NRG1: variants seen among roughly 807,000 people sequenced by gnomAD.
NRG1 encodes the protein neuregulin 1.
NRG1 carries 18 observed loss-of-function variants against 63.8 expected under a neutral mutation model. The ratio of observed to expected loss-of-function variants is 0.28; its 90% CI spans 0.19 to 0.42. The LOEUF is 0.42. NRG1 is among the 10% of genes least tolerant of loss of function. NRG1 has a pLI of 1.00. For missense variants in NRG1, 762 were observed against 814.7 expected, an observed-to-expected ratio of 0.94 and a Z score of 0.79; for synonymous variants, 302 against 301.3, an observed-to-expected ratio of 1.00 and a Z score of -0.02.
intron 5 of NRG1, among the ~76,000 whole-genome samples, chr8:32,679,668 A>G (rs954376941): frequency 1.3e-5 from 2 of 152,222 alleles, no homozygotes; most frequent in Admixed American, 6.5e-5. Context: ...TACTTTTTAA[A>G]GAAGTCAACT....
intron 1 of NRG1, among the ~76,000 whole-genome samples, chr8:32,199,701 G>T (rs557204081): frequency 6.6e-6 from 1 of 152,056 alleles, no homozygotes; most frequent in East Asian, 1.9e-4. Context: ...TTTGTATTTT[G>T]TTTCCTCTCT....
chr8:32,600,592 A>T (rs1025983791), intron 2 of NRG1, among the ~76,000 whole-genome samples: 3 of 152,190 alleles, frequency 2.0e-5, no homozygotes, highest in African/African-American at 7.2e-5. Flanking sequence ...ATTAATATTC[A>T]GAACTTTTTA....
chr8:32,595,601 A>G (rs1843212908), intron 1 of NRG1, among the ~76,000 whole-genome samples: 2 of 152,192 alleles, frequency 1.3e-5, no homozygotes, highest in African/African-American at 4.8e-5. Flanking sequence ...TTTTTAAGGA[A>G]TAATTTTCTA....
intron 1 of NRG1, among the ~76,000 whole-genome samples, chr8:32,506,716 T>C (rs916007129): frequency 6.6e-6 from 1 of 151,488 alleles, no homozygotes; most frequent in African/African-American, 2.4e-5. Flanking sequence ...TTGGGGGGTA[T>C]GTGGGGGGAT....
At chr8:32,474,952 G>A (rs1416025007) in intron 1 of NRG1, among the ~76,000 whole-genome samples, 1 of 152,164 alleles carries the variant, frequency 6.6e-6, no homozygotes, top group Non-Finnish European at 1.5e-5. Flanking sequence ...TCATAGGATT[G>A]CTCTCTAGGA....
At chr8:32,441,800 C>T (rs4584111) in intron 1 of NRG1, among the ~76,000 whole-genome samples, 98,538 of 151,720 alleles carry the variant, frequency 0.65, 32,535 homozygotes, top group East Asian at 0.9. Flanking sequence ...GTGCCAAGGC[C>T]GAACATCAGG....
intron 1 of NRG1, among the ~76,000 whole-genome samples, chr8:32,048,486 G>A (rs1821450643): frequency 7.3e-6 from 1 of 136,302 alleles, no homozygotes; most frequent in Non-Finnish European, 1.5e-5. Context: ...TATATATATA[G>A]TGGTGGGATT....
chr8:31,768,711 A>G (rs1380053468), intron 1 of NRG1, among the ~76,000 whole-genome samples: 1 of 152,202 alleles, frequency 6.6e-6, no homozygotes, highest in African/African-American at 2.4e-5. Flanking sequence ...GGGAACCCTA[A>G]GTACAGTTTC....
intron 1 of NRG1, among the ~76,000 whole-genome samples, chr8:31,856,042 A>G (rs1827831319): frequency 6.6e-6 from 1 of 151,054 alleles, no homozygotes; most frequent in African/African-American, 2.4e-5. Context: ...GGCTGCCCTT[A>G]ACATTTTTTC....
intron 5 of NRG1, among the ~76,000 whole-genome samples, chr8:32,665,730 G>A (rs569959558): frequency 2.0e-5 from 3 of 152,228 alleles, no homozygotes; most frequent in East Asian, 3.9e-4. Flanking sequence ...GATATTAGAC[G>A]TGTATCAAGC....
chr8:32,226,387 T>C (rs182486976), intron 1 of NRG1, among the ~76,000 whole-genome samples: 1 of 152,292 alleles, frequency 6.6e-6, no homozygotes, highest in African/African-American at 2.4e-5. Context: ...TACGTATGTG[T>C]GTTCTGGTTG....
chr8:32,718,333 TATATAA>T (rs1451302418), intron 5 of NRG1, among the ~76,000 whole-genome samples: 1 of 152,210 alleles, frequency 6.6e-6, no homozygotes, highest in Non-Finnish European at 1.5e-5. Flanking sequence ...AATTTTCATG[TATATAA>T]ATATAAAGTA....
chr8:32,383,075 A>AC, intron 1 of NRG1, among the ~76,000 whole-genome samples: 1 of 151,742 alleles, frequency 6.6e-6, no homozygotes, highest in East Asian at 1.9e-4. Context: ...AAAAAAAAAA[A>AC]ATTAGATGGG....
At chr8:32,106,961 G>A (rs987375690) in intron 1 of NRG1, among the ~76,000 whole-genome samples, 29 of 151,952 alleles carry the variant, frequency 1.9e-4, no homozygotes, top group African/African-American at 7.0e-4. Context: ...AGTGGCTCAC[G>A]CCTGTAATCC....
rs150679944 is a variant in NRG1 at position 32,650,777 on chromosome 8, A to G, written c.502+33892A>G. On this transcript the variant is annotated intron_variant, in intron 5 of 11. Transcript: ENST00000356819. ...TTTCCCGTGCATGTTTTTGACATAAACTAAGCTGTCATGGCTTATATTTGA... is the reference window on the plus strand; with the variant it reads ...TTTCCCGTGCATGTTTTTGACATAAGCTAAGCTGTCATGGCTTATATTTGA... Among the ~76,000 whole-genome samples, 58 of 152,204 alleles carry G rather than the reference A, an allele frequency of 3.8e-4. 2 individuals carry two copies. The East Asian group carries it at 9.6e-3, about 25-fold the overall frequency.
intron 1 of NRG1, among the ~76,000 whole-genome samples, chr8:32,201,772 A>T (rs543412127): frequency 5.9e-5 from 9 of 152,194 alleles, no homozygotes; most frequent in South Asian, 2.1e-4. Context: ...CAAATTTGTC[A>T]AATACGTCAA....
At chr8:31,974,885 C>A (rs1807900819) in intron 1 of NRG1, among the ~76,000 whole-genome samples, 1 of 152,150 alleles carries the variant, frequency 6.6e-6, no homozygotes, top group African/African-American at 2.4e-5. Flanking sequence ...GCACCACAAA[C>A]CCCCTGAGAC....
chr8:32,229,193 C>T (rs1204807042), intron 1 of NRG1, among the ~76,000 whole-genome samples: 2 of 152,172 alleles, frequency 1.3e-5, no homozygotes, highest in Non-Finnish European at 2.9e-5. Context: ...CGGCTACTAG[C>T]CCTGTTGTGT....
intron 1 of NRG1, among the ~76,000 whole-genome samples, chr8:32,161,195 T>C (rs1364887940): frequency 2.6e-5 from 4 of 152,160 alleles, no homozygotes; most frequent in Admixed American, 2.0e-4. Flanking sequence ...ACTGGTAATA[T>C]ATCTGTAATC....
Sources: gnomAD v4.1 joint callset for allele counts (sites outside exome capture counted in the v4.1 genomes callset) on GRCh38, gnomAD v4.1.1 for gene constraint, MANE v1.5 for transcripts, NCBI Gene and HGNC (gene_info 2026-07-23, HGNC 2026-07-21) for gene names.